Variants in NAV2 observed in about 807,000 individuals in gnomAD.
NAV2 encodes neuron navigator 2, also known as helicase, APC down-regulated 1.
A neutral mutation model predicts 223.2 loss-of-function variants in NAV2; 54 were observed. The observed-to-expected ratio is 0.24, with a 90% CI of 0.19 to 0.30. The LOEUF is 0.30. Ranked by LOEUF, NAV2 falls within the 10% of genes least tolerant of loss-of-function variation. The pLI is 1.00. For missense variants in NAV2, 2,806 were observed against 3,147.5 expected (o/e 0.89, Z 2.60); for synonymous variants, 1,279 against 1,239.3 (o/e 1.03, Z -0.67).
intron 1 of NAV2, among the ~76,000 whole-genome samples, chr11:19,808,130 G>A (rs1473119713): frequency 6.6e-6 from 1 of 152,184 alleles, no homozygotes; most frequent in Non-Finnish European, 1.5e-5. Context: ...ATTAAATGTG[G>A]CAAACACATA....
In NAV2 at chr11:20,105,700, G is replaced by A; in HGVS notation, c.6814G>A (p.Ala2272Thr). ...VWHHLNRFLE[A>T]HSSSDVTIGP... ...GCATCACCTCAACCGCTTCCTGGAG[G>A]CTCACAGTTCCTCGGACGTCACCAT... Residue 2272 changes from alanine to threonine, a missense_variant, in exon 35 of 38, where the codon GCT becomes ACT. This residue lies in a region of NAV2 where 824 missense variants were observed against 1,069.4 expected (regional missense o/e 0.77). Coordinates refer to ENST00000349880, the MANE Select transcript of NAV2 (RefSeq NM_145117.5). 1 of 1,613,112 alleles carries A rather than the reference G, an allele frequency of 6.2e-7. No individual in the cohort carries two copies.
intron 1 of NAV2, among the ~76,000 whole-genome samples, chr11:19,446,619 G>A (rs888334325): frequency 1.3e-5 from 2 of 152,106 alleles, no homozygotes; most frequent in Non-Finnish European, 2.9e-5. Context: ...TAGGGGATTC[G>A]ATAACAAGAA....
intron 10 of NAV2, among the ~76,000 whole-genome samples, chr11:19,971,533 G>A (rs1203277451): frequency 6.6e-6 from 1 of 152,070 alleles, no homozygotes; most frequent in Non-Finnish European, 1.5e-5. Flanking sequence ...CAGCCACACA[G>A]CCTTGTTTCC....
chr11:19,976,157 C>T (rs1012776948), intron 10 of NAV2, among the ~76,000 whole-genome samples: 16 of 152,222 alleles, frequency 1.1e-4, no homozygotes, highest in South Asian at 4.2e-4. Flanking sequence ...GACCACTGCC[C>T]GGGTCCAGTG....
chr11:20,055,632 C>G, intron 18 of NAV2, 137 bp from the exon 19 acceptor site: 1 of 760,960 alleles, frequency 1.3e-6, no homozygotes, highest in East Asian at 2.6e-5. Context: ...GATGGGACTA[C>G]CTTTTAGAAA....
At chr11:19,911,719 G>A (rs2043330876) in intron 6 of NAV2, among the ~76,000 whole-genome samples, 1 of 152,144 alleles carries the variant, frequency 6.6e-6, no homozygotes, top group South Asian at 2.1e-4. Context: ...GCCAGTCAGG[G>A]CAGAAATCAA....
intron 1 of NAV2, among the ~76,000 whole-genome samples, chr11:19,411,018 C>T (rs917995504): frequency 4.6e-5 from 7 of 152,140 alleles, no homozygotes; most frequent in African/African-American, 1.4e-4. Flanking sequence ...AAAGGCTCCC[C>T]TATCTCCCTT....
intron 1 of NAV2, among the ~76,000 whole-genome samples, chr11:19,496,749 C>T (rs1456710371): frequency 6.6e-6 from 1 of 151,992 alleles, no homozygotes; most frequent in Non-Finnish European, 1.5e-5. Flanking sequence ...ATAATGCTAT[C>T]GAATGAACAA....
chr11:19,485,947 G>T, intron 1 of NAV2, among the ~76,000 whole-genome samples: 1 of 152,230 alleles, frequency 6.6e-6, no homozygotes, highest in South Asian at 2.1e-4. Flanking sequence ...GAGAAAAGAG[G>T]CTGGGCAGAA....
chr11:19,366,811 T>A (rs982907414), intron 1 of NAV2, among the ~76,000 whole-genome samples: 1 of 152,196 alleles, frequency 6.6e-6, no homozygotes, highest in Non-Finnish European at 1.5e-5. Context: ...TAGTGAGATC[T>A]GGACACATGG....
intron 1 of NAV2, among the ~76,000 whole-genome samples, chr11:19,611,937 G>T (rs925759330): frequency 6.6e-6 from 1 of 152,242 alleles, no homozygotes; most frequent in African/African-American, 2.4e-5. Context: ...CCTAGCAGAG[G>T]TTCTCCATGA....
chr11:19,958,814 A>ACAG (rs2048112867), intron 10 of NAV2, among the ~76,000 whole-genome samples: 4 of 152,180 alleles, frequency 2.6e-5, no homozygotes, highest in African/African-American at 9.7e-5. Flanking sequence ...AGGCATTGTC[A>ACAG]TGTTATTATG....
chr11:19,941,223 C>T (rs185201978), intron 8 of NAV2, among the ~76,000 whole-genome samples: 7 of 152,174 alleles, frequency 4.6e-5, no homozygotes, highest in African/African-American at 1.7e-4. Context: ...CTCCATGTCT[C>T]CCCTGTACCA....
chr11:19,807,787 T>C (rs1227319961), intron 1 of NAV2, among the ~76,000 whole-genome samples: 1 of 152,160 alleles, frequency 6.6e-6, no homozygotes, highest in Admixed American at 6.5e-5. Flanking sequence ...CTCAAAAAAT[T>C]CTCTCTCTAC....
chr11:19,576,720 C>T (rs567939811), intron 1 of NAV2, among the ~76,000 whole-genome samples: 17 of 152,298 alleles, frequency 1.1e-4, no homozygotes, highest in Non-Finnish European at 2.1e-4. Flanking sequence ...GTCCTTTTCA[C>T]GTGAATAACA....
intron 3 of NAV2, among the ~76,000 whole-genome samples, chr11:19,853,510 T>C (rs1267753107): frequency 2.0e-5 from 3 of 151,784 alleles, no homozygotes; most frequent in African/African-American, 7.3e-5. Context: ...CTTTTTTTTG[T>C]GTGACTTTTT....
chr11:19,992,801 C>T (rs1367535959), intron 11 of NAV2, among the ~76,000 whole-genome samples: 1 of 152,022 alleles, frequency 6.6e-6, no homozygotes, highest in Non-Finnish European at 1.5e-5. Flanking sequence ...GCCATGTTGG[C>T]CAGGCTGGTC....
intron 1 of NAV2, among the ~76,000 whole-genome samples, chr11:19,379,533 C>T (rs771081294): frequency 2.6e-4 from 40 of 152,166 alleles, no homozygotes; most frequent in Admixed American, 4.6e-4. Context: ...CCTGAGTGGC[C>T]GTTGTGGAGG....
chr11:19,611,959 CTGCAGCAAACTTT>C (rs1353693940), intron 1 of NAV2, among the ~76,000 whole-genome samples: 1 of 152,246 alleles, frequency 6.6e-6, no homozygotes, highest in East Asian at 1.9e-4. Context: ...GGCACTGCCC[CTGCAGCAAACTTT>C]TGCCTAGACA....
Sources: gnomAD v4.1 joint callset for allele counts (sites outside exome capture counted in the v4.1 genomes callset) on GRCh38, gnomAD v4.1.1 for gene constraint, gnomAD v4.1.1 regional missense constraint, MANE v1.5 for transcripts, NCBI Gene and HGNC (gene_info 2026-07-23, HGNC 2026-07-21) for gene names.